SLC22A25: variants seen among roughly 807,000 people sequenced by gnomAD.
SLC22A25 encodes MGI:2442751, MGI:2385316, MGI:3042283, MGI:3645714, MGI:3605624, MGI:2442750.
SLC22A25 carries 44 observed loss-of-function variants against 45.9 expected under a neutral mutation model. The ratio of observed to expected loss-of-function variants is 0.96; its 90% CI spans 0.75 to 1.23. SLC22A25 has a LOEUF of 1.23. Ranked by LOEUF, SLC22A25 falls within the 50% of genes most tolerant of loss-of-function variation. The pLI is 0.00. For synonymous variants in SLC22A25, 283 were observed against 238.6 expected (o/e 1.19, Z -1.72); for missense variants, 800 against 666.4 (o/e 1.20, Z -2.21).
intron 9 of SLC22A25, among the ~76,000 whole-genome samples, chr11:63,169,412 C>T (rs2087798081): frequency 6.6e-6 from 1 of 152,076 alleles, no homozygotes; most frequent in Non-Finnish European, 1.5e-5. Flanking sequence ...GTGCTGTATT[C>T]AGGAGACCTA....
chr11:63,196,197 C>T (rs1001363761), intron 7 of SLC22A25, among the ~76,000 whole-genome samples: 2 of 152,190 alleles, frequency 1.3e-5, no homozygotes, highest in African/African-American at 4.8e-5. Flanking sequence ...GGTACCATTT[C>T]TTCTGAAACT....
chr11:63,166,973 G>A (rs2087706149), intron 9 of SLC22A25: 2 of 558,630 alleles, frequency 3.6e-6, no homozygotes, highest in Non-Finnish European at 4.5e-6. Flanking sequence ...TCCAACTGAG[G>A]TACCCGGTTC....
chr11:63,188,106 T>A (rs111394260), intron 7 of SLC22A25, among the ~76,000 whole-genome samples: 11,624 of 152,276 alleles, frequency 0.076, 632 homozygotes, highest in African/African-American at 0.16. Context: ...ATTGGAATAG[T>A]TTCAGAAGGA....
At chr11:63,212,274 C>G (rs928598056) in intron 7 of SLC22A25, among the ~76,000 whole-genome samples, 2 of 151,874 alleles carry the variant, frequency 1.3e-5, no homozygotes, top group African/African-American at 4.8e-5. Context: ...CCTCAGGGAT[C>G]TAGAACTAGA....
At chr11:63,165,722 C>G (rs954423934) in intron 10 of SLC22A25, among the ~76,000 whole-genome samples, 19 of 152,206 alleles carry the variant, frequency 1.2e-4, no homozygotes, top group Admixed American at 7.2e-4. Flanking sequence ...CACCTCAACA[C>G]TTACTAAGAG....
intron 5 of SLC22A25, among the ~76,000 whole-genome samples, chr11:63,220,739 C>G (rs577856474): frequency 1.3e-5 from 2 of 152,150 alleles, no homozygotes; most frequent in African/African-American, 4.8e-5. Context: ...TTTGTGTACC[C>G]ATTAACCATG....
chr11:63,239,141 A>G lies in SLC22A25; in HGVS notation c.-995-6T>C, dbSNP rs2090208425. 6.4e-6 allele frequency: 1 copy of G among 155,108 alleles called. No individual in the cohort carries two copies. Among genetic ancestry groups the G allele is most frequent in the African/African-American group, 2.4e-5 (1 of 41,662 alleles). 9.6% of individuals were successfully genotyped at this position (155,108 alleles called of 1,614,324 possible). ...TGAGGCTGAAGAGATTATCCCTAAA[A>G]GGAGGCAAAATGACTGTATTCAGAT... is the stretch of plus-strand genomic sequence containing the variant. On this transcript the variant is annotated splice_polypyrimidine_tract_variant and splice_region_variant and intron_variant, in intron 1 of 11. Coordinates refer to ENST00000306494, the MANE Select transcript of SLC22A25 (RefSeq NM_199352.6).
At chr11:63,188,047 A>G (rs1391806169) in intron 7 of SLC22A25, among the ~76,000 whole-genome samples, 2 of 152,224 alleles carry the variant, frequency 1.3e-5, no homozygotes, top group Non-Finnish European at 2.9e-5. Context: ...TATCAGGATT[A>G]TGCTGGCCTC....
chr11:63,190,389 G>A (rs1025157518), intron 7 of SLC22A25, among the ~76,000 whole-genome samples: 2 of 152,066 alleles, frequency 1.3e-5, no homozygotes, highest in Admixed American at 6.6e-5. Context: ...GTGGTTTTCA[G>A]CTCCATCAAG....
rs369187974 is a variant in SLC22A25, at chr11:63,195,598, C to G, written c.831-11781G>C. 3.9e-5 allele frequency among the ~76,000 whole-genome samples: 6 copies of G among 152,168 alleles called. No homozygotes were observed. The East Asian group carries it at 7.7e-4, about 20-fold the overall frequency. ...CATACCAGAATCTCTGGGACACATTCAAAGCAGTGTGTAGAGGGAAATTTA... is the reference window on the plus strand; with the variant it reads ...CATACCAGAATCTCTGGGACACATTGAAAGCAGTGTGTAGAGGGAAATTTA... On this transcript the variant is annotated intron_variant, in intron 7 of 11. Coordinates refer to ENST00000306494, the MANE Select transcript of SLC22A25 (RefSeq NM_199352.6).
chr11:63,201,993 G>T (rs1021946283), intron 7 of SLC22A25, among the ~76,000 whole-genome samples: 1 of 152,092 alleles, frequency 6.6e-6, no homozygotes, highest in Admixed American at 6.6e-5. Flanking sequence ...GCTCACAGAG[G>T]GTGAGCAGAA....
chr11:63,169,934 T>C lies in SLC22A25; in HGVS notation c.1071-3676A>G, dbSNP rs1299899083. 2.0e-5 allele frequency among the ~76,000 whole-genome samples: 3 copies of C among 152,142 alleles called. No homozygotes were observed. The East Asian group carries it at 5.8e-4, about 29-fold the overall frequency. Reference sequence around the variant, plus strand: ...TGGAAGTAAAACACTCCTCAGCAAGTGCAAAAGAACAGAAATCATAACAAA... The same window carrying C: ...TGGAAGTAAAACACTCCTCAGCAAGCGCAAAAGAACAGAAATCATAACAAA... On this transcript the variant is annotated intron_variant, in intron 9 of 11. Coordinates refer to ENST00000306494, the MANE Select transcript of SLC22A25 (RefSeq NM_199352.6).
chr11:63,202,166 C>T lies in SLC22A25; in HGVS notation c.830+15148G>A, dbSNP rs373070496. On this transcript the variant is annotated intron_variant, in intron 7 of 11. Transcript: ENST00000306494. ...CACAGCCCGCAGACCAGGAGATTCC[C>T]TTGGGTGCTTATACCACCAGGGACC... 4.2e-3 allele frequency among the ~76,000 whole-genome samples: 633 copies of T among 152,194 alleles called. 6 individuals are homozygous for T. Among genetic ancestry groups the T allele is most frequent in the African/African-American group, 0.014 (576 of 41,536 alleles).
At chr11:63,228,675 C>T in intron 4 of SLC22A25, 111 bp from the exon 5 acceptor site, 1 of 758,828 alleles carries the variant, frequency 1.3e-6, no homozygotes, top group Non-Finnish European at 2.1e-6. Flanking sequence ...CCTAGCTTCC[C>T]TTTTCTGCAT....
At position 63,159,398 on chromosome 11, in the gene SLC22A25, C is replaced by G. The variant is rs73499721; in HGVS notation, c.*4426G>C. The stretch of plus-strand genomic sequence containing the variant: ...ATCATGGGGCCAGGTCTTTCCCGTG[C>G]TATTCTTGTGATACTGAATAAGTTT... On this transcript the variant is annotated 3_prime_UTR_variant, in exon 12 of 12. Transcript: ENST00000306494. Among the ~76,000 whole-genome samples the G allele has an allele frequency of 6.6e-6, 1 of 152,136 alleles. No individual in the cohort carries two copies. Among genetic ancestry groups the G allele is most frequent in the Non-Finnish European group, 1.5e-5 (1 of 68,040 alleles).
At chr11:63,164,214 A>C in intron 11 of SLC22A25, 141 bp from the exon 12 acceptor site, 1 of 1,159,094 alleles carries the variant, frequency 8.6e-7, no homozygotes. Context: ...ATTTTCTCTT[A>C]TTTGCTAGCA....
At chr11:63,197,919 T>C (rs1195254552) in intron 7 of SLC22A25, among the ~76,000 whole-genome samples, 1 of 152,188 alleles carries the variant, frequency 6.6e-6, no homozygotes, top group Non-Finnish European at 1.5e-5. Context: ...GCGAAGGATA[T>C]GAGCAAACAC....
rs541318722 is a variant in SLC22A25, at chr11:63,201,208, A to G, written c.830+16106T>C. On this transcript the variant is annotated intron_variant, in intron 7 of 11. Transcript: ENST00000306494. Reference sequence around the variant, plus strand: ...CTGAACAGCCAAGACAATCCTAAGCAAAAGAAATGAAGCTGGAGGCATCCA... The same window carrying G: ...CTGAACAGCCAAGACAATCCTAAGCGAAAGAAATGAAGCTGGAGGCATCCA... Among the ~76,000 whole-genome samples the G allele has an allele frequency of 3.7e-3, 569 of 152,310 alleles. 5 individuals are homozygous for G. The highest frequency in any genetic ancestry group is 0.013 in the African/African-American group (537 of 41,580).
At chr11:63,185,535 T>TTTTTTAG (rs2088498940) in intron 7 of SLC22A25, among the ~76,000 whole-genome samples, 1 of 149,176 alleles carries the variant, frequency 6.7e-6, no homozygotes, top group African/African-American at 2.5e-5. Context: ...TTTATTTTTA[T>TTTTTTAG]TTTTTATTTA....
Sources: gnomAD v4.1 joint callset for allele counts (sites outside exome capture counted in the v4.1 genomes callset) on GRCh38, gnomAD v4.1.1 for gene constraint, MANE v1.5 for transcripts, NCBI Gene and HGNC (gene_info 2026-07-23, HGNC 2026-07-21) for gene names.